CCDC18: variants seen among roughly 807,000 people sequenced by gnomAD.
The protein encoded by CCDC18 is coiled-coil domain-containing protein 18.
A neutral mutation model predicts 196.0 loss-of-function variants in CCDC18; 157 were observed. The observed-to-expected ratio is 0.80, with a 90% confidence interval of 0.70 to 0.91. The LOEUF (loss-of-function observed/expected upper bound fraction) is 0.91, where lower values mean the gene tolerates loss of function less well. CCDC18 is among the 40% of genes least tolerant of loss of function. CCDC18 has a pLI of 0.00. For missense variants in CCDC18, 1,465 were observed against 1,611.6 expected (o/e 0.91, Z 1.56); for synonymous variants, 482 against 529.2 (o/e 0.91, Z 1.22).
Position 93,217,758 on chromosome 1 carries a change from G to A in CCDC18, c.1851G>A (p.Arg617=), listed in dbSNP as rs765303521. 34 of 1,603,894 alleles carry A rather than the reference G, an allele frequency of 2.1e-5. 1 individual carries two copies. In the South Asian group the frequency reaches 3.8e-4, roughly 18 times the overall value. Residue 617 remains arginine, a synonymous_variant, in exon 14 of 29, where the codon AGG becomes AGA. Coordinates refer to ENST00000690025, the MANE Select transcript of CCDC18 (RefSeq NM_001378204.1). The part of the protein sequence containing the change: ...QELMEKNEKI[R]SLETNINTEH... ...TCTAGGAAAAGAATGAAAAGATAAGGAGTCTAGAAACCAATATTAATACAG... is the reference window on the plus strand; with the variant it reads ...TCTAGGAAAAGAATGAAAAGATAAGAAGTCTAGAAACCAATATTAATACAG...
At chr1:93,180,613 C>T (rs1244522473), upstream of CCDC18, 2 of 1,346,668 alleles carry the variant, frequency 1.5e-6, no homozygotes, top group African/African-American at 1.5e-5. Context: ...GGCTCGGGCG[C>T]GCTCGCCGAC....
At position 93,226,378 on chromosome 1, in the gene CCDC18, G is replaced by C. The variant is rs181899427; in HGVS notation, c.2221G>C (p.Val741Leu). 45 of 1,584,130 alleles carry C rather than the reference G, an allele frequency of 2.8e-5. No individual in the cohort carries two copies. In the Admixed American group the frequency reaches 5.1e-4, roughly 18 times the overall value. ...SALEICKEEL[V>L]LHLNQLEGNK... ...ATTGGAAATTTGTAAGGAAGAACTT[G>C]TCTTGCATTTGAATCAATTGGAAGG... The change falls in exon 17 of 29, where the codon GTC becomes CTC. Residue 741 changes from valine (V) to leucine (L), a missense_variant. Coordinates refer to ENST00000690025, the MANE Select transcript of CCDC18 (RefSeq NM_001378204.1).
At chr1:93,193,867 A>G (rs998070665) in intron 6 of CCDC18, 123 bp downstream of exon 6, 9 of 667,442 alleles carry the variant, frequency 1.3e-5, no homozygotes, top group South Asian at 5.3e-5. Flanking sequence ...AATTAACTTA[A>G]TGTTCTTTTT....
intron 25 of CCDC18, among the ~76,000 whole-genome samples, chr1:93,258,327 CAATT>C (rs1027184433): frequency 2.0e-5 from 3 of 151,902 alleles, no homozygotes; most frequent in Non-Finnish European, 2.9e-5. Flanking sequence ...TAAAATTACA[CAATT>C]AAAATTACAA....
chr1:93,255,828 A>G (rs1662891987), intron 24 of CCDC18, among the ~76,000 whole-genome samples: 1 of 151,938 alleles, frequency 6.6e-6, no homozygotes, highest in African/African-American at 2.4e-5. Context: ...GAGGGGGAGG[A>G]ATACTTTATT....
intron 6 of CCDC18, among the ~76,000 whole-genome samples, chr1:93,196,241 T>C (rs193025020): frequency 1.1e-3 from 164 of 152,306 alleles, no homozygotes; most frequent in Non-Finnish European, 1.0e-3. Context: ...AAGGGATTGC[T>C]TGAGCCTAGG....
At chr1:93,248,171 C>T (rs377722565) in intron 23 of CCDC18, among the ~76,000 whole-genome samples, 16 of 151,818 alleles carry the variant, frequency 1.1e-4, no homozygotes, top group African/African-American at 2.7e-4. Context: ...CCCACCACCA[C>T]GCTCAGCTAA....
intron 16 of CCDC18, among the ~76,000 whole-genome samples, chr1:93,224,230 T>TG (rs1281700311): frequency 5.3e-5 from 8 of 152,156 alleles, no homozygotes; most frequent in Admixed American, 3.9e-4. Context: ...TGCATGCTTG[T>TG]GTGTGTCCCT....
At chr1:93,271,444 T>C in intron 28 of CCDC18, 1 of 985,314 alleles carries the variant, frequency 1.0e-6, no homozygotes, top group Non-Finnish European at 1.2e-6. Flanking sequence ...AAGCCTTTAA[T>C]ATGCTTGCCT....
chr1:93,217,723 G>A lies in CCDC18; in HGVS notation c.1831-15G>A. On this transcript the variant is annotated splice_polypyrimidine_tract_variant and intron_variant, in intron 13 of 28. Transcript: ENST00000690025. ...CAAATCAATTATACTCCTTTAAAGT[G>A]TTTTGTGTTTCTAGGAAAAGAATGA... The A allele has an allele frequency of 3.8e-6, 6 of 1,595,362 alleles. No homozygotes were observed. The highest frequency in any genetic ancestry group is 5.1e-6 in the Non-Finnish European group (6 of 1,172,178).
chr1:93,271,805 TAAAC>T (rs1665287342), intron 28 of CCDC18, among the ~76,000 whole-genome samples: 1 of 152,240 alleles, frequency 6.6e-6, no homozygotes, highest in Non-Finnish European at 1.5e-5. Context: ...CTTTGTATAA[TAAAC>T]AAATTTAGTA....
upstream of CCDC18, chr1:93,180,404 G>C (rs1450506809): frequency 8.1e-7 from 1 of 1,229,980 alleles, no homozygotes; most frequent in South Asian, 1.4e-5. Flanking sequence ...AAAGAGAAGC[G>C]CAGTTCTCCA....
chr1:93,219,614 A>G lies in CCDC18; in HGVS notation c.1962+1745A>G, dbSNP rs539375432. On this transcript the variant is annotated intron_variant, in intron 14 of 28. Coordinates refer to ENST00000690025, the MANE Select transcript of CCDC18 (RefSeq NM_001378204.1). ...CCAGAGCTGGACATAGTGGGACGTC[A>G]TGAGATTTCATCACGCTGCTCAGAA... Among the ~76,000 whole-genome samples, 3 of 152,366 alleles carry G rather than the reference A, an allele frequency of 2.0e-5. No individual in the cohort carries two copies. In the South Asian group the frequency reaches 6.2e-4, roughly 32 times the overall value.
chr1:93,207,945 C>T (rs1054900044), intron 9 of CCDC18, among the ~76,000 whole-genome samples: 10 of 150,732 alleles, frequency 6.6e-5, no homozygotes, highest in African/African-American at 2.4e-4. Context: ...GTTGTGATAT[C>T]AGTATTTCAT....
intron 13 of CCDC18, 103 bp downstream of exon 13, chr1:93,216,849 G>C: frequency 1.8e-6 from 1 of 541,388 alleles, no homozygotes; most frequent in Non-Finnish European, 3.3e-6. Flanking sequence ...ATATAGGAAA[G>C]TATAAATTCT....
At chr1:93,185,882 A>G (rs558913849) in intron 3 of CCDC18, among the ~76,000 whole-genome samples, 2 of 151,944 alleles carry the variant, frequency 1.3e-5, no homozygotes, top group African/African-American at 4.8e-5. Context: ...AAATATATAT[A>G]AAAAGAATAT....
chr1:93,190,694 T>A, intron 4 of CCDC18: 2 of 359,400 alleles, frequency 5.6e-6, no homozygotes, highest in African/African-American at 2.1e-5. Flanking sequence ...TTTTTTAACA[T>A]AAACTCAAGA....
intron 26 of CCDC18, among the ~76,000 whole-genome samples, chr1:93,260,793 G>T (rs919650069): frequency 6.6e-6 from 1 of 151,828 alleles, no homozygotes; most frequent in African/African-American, 2.4e-5. Flanking sequence ...AACAGGCCCC[G>T]ATGTGTGATG....
At chr1:93,255,045 C>T (rs1391418356) in intron 24 of CCDC18, among the ~76,000 whole-genome samples, 6 of 137,690 alleles carry the variant, frequency 4.4e-5, no homozygotes, top group Admixed American at 8.2e-5. Context: ...CTCTGCTTTC[C>T]GGGTTCCAGT....
Sources: gnomAD v4.1 joint callset for allele counts (sites outside exome capture counted in the v4.1 genomes callset) on GRCh38, gnomAD v4.1.1 for gene constraint, MANE v1.5 for transcripts, NCBI Gene and HGNC (gene_info 2026-07-23, HGNC 2026-07-21) for gene names.